Variants in HORMAD2 observed in about 807,000 individuals in gnomAD.
The protein encoded by HORMAD2 is HORMA domain containing 2.
Under a neutral mutation model 38.8 loss-of-function variants are expected in HORMAD2, and 45 were observed. The observed-to-expected ratio is 1.16, with a 90% CI of 0.91 to 1.49. The LOEUF (loss-of-function observed/expected upper bound fraction) is 1.49. Among genes scored for constraint, HORMAD2 ranks in the 40% most tolerant of loss-of-function variants. The pLI is 0.00. For synonymous variants in HORMAD2, 126 were observed against 122.8 expected (o/e 1.03, Z -0.17); for missense variants, 338 against 367.0 (o/e 0.92, Z 0.65).
At chr22:30,113,030 C>A (rs1921777300) in intron 7 of HORMAD2, among the ~76,000 whole-genome samples, 1 of 151,994 alleles carries the variant, frequency 6.6e-6, no homozygotes, top group Non-Finnish European at 1.5e-5. Flanking sequence ...TACCTCTTTA[C>A]TTCTCTCTTT....
chr22:30,177,129 C>T (rs1926504206), downstream of HORMAD2: 3 of 152,242 alleles, frequency 2.0e-5, no homozygotes, highest in Non-Finnish European at 4.4e-5. Context: ...TCTTTGCTAA[C>T]ATCAGTATCT....
At chr22:30,147,138 T>A (rs1466478438) in intron 10 of HORMAD2, among the ~76,000 whole-genome samples, 5 of 152,140 alleles carry the variant, frequency 3.3e-5, no homozygotes, top group Admixed American at 6.5e-5. Flanking sequence ...TTCAATGCAA[T>A]CCCAATCAAA....
intron 10 of HORMAD2, among the ~76,000 whole-genome samples, chr22:30,175,564 T>A (rs1926404887): frequency 6.6e-6 from 1 of 151,904 alleles, no homozygotes. Flanking sequence ...TCTATAATGA[T>A]TCACTAACCA....
intron 10 of HORMAD2, among the ~76,000 whole-genome samples, chr22:30,158,787 C>T (rs1436649331): frequency 6.6e-6 from 1 of 151,640 alleles, no homozygotes; most frequent in South Asian, 2.1e-4. Context: ...TGGGCTCCCG[C>T]GATCCTCCCA....
At chr22:30,199,077 G>T in the HORMAD2 span, among the ~76,000 whole-genome samples, 3 of 152,188 alleles carry the variant, frequency 2.0e-5, no homozygotes, top group Non-Finnish European at 4.4e-5. Flanking sequence ...ATGAAACAGA[G>T]AATATTGAGT....
chr22:30,186,915 G>T, the HORMAD2 span, among the ~76,000 whole-genome samples: 1 of 150,904 alleles, frequency 6.6e-6, no homozygotes, highest in African/African-American at 2.4e-5. Context: ...TGGGGGTGGG[G>T]GGGTCATCGT....
chr22:30,112,305 T>C (rs1921725123), intron 6 of HORMAD2, among the ~76,000 whole-genome samples, 191 bp from the exon 7 acceptor site: 2 of 152,148 alleles, frequency 1.3e-5, no homozygotes, highest in Non-Finnish European at 2.9e-5. Context: ...TTAATTTCCT[T>C]TTATTCAGTG....
intron 10 of HORMAD2, among the ~76,000 whole-genome samples, chr22:30,166,409 A>T: frequency 6.6e-6 from 1 of 152,230 alleles, no homozygotes; most frequent in African/African-American, 2.4e-5. Flanking sequence ...AGCACCAGAA[A>T]TGTGGCTAAT....
chr22:30,136,293 A>G (rs944128116), intron 10 of HORMAD2, among the ~76,000 whole-genome samples: 9 of 152,210 alleles, frequency 5.9e-5, no homozygotes, highest in African/African-American at 2.2e-4. Flanking sequence ...TCTGTTTTTA[A>G]TAGCTTGAAA....
chr22:30,148,327 G>A (rs1286502503), intron 10 of HORMAD2, among the ~76,000 whole-genome samples: 2 of 152,154 alleles, frequency 1.3e-5, no homozygotes, highest in Non-Finnish European at 2.9e-5. Flanking sequence ...TCTGGAGGAA[G>A]CAAACTAACT....
chr22:30,202,691 A>G, the HORMAD2 span, among the ~76,000 whole-genome samples: 1 of 152,180 alleles, frequency 6.6e-6, no homozygotes, highest in Non-Finnish European at 1.5e-5. Context: ...CTGGGAAAAC[A>G]AGTTCCTCTC....
intron 10 of HORMAD2, among the ~76,000 whole-genome samples, chr22:30,146,889 C>A (rs1440579686): frequency 6.6e-6 from 1 of 152,034 alleles, no homozygotes; most frequent in Non-Finnish European, 1.5e-5. Flanking sequence ...TATTGTATTT[C>A]TCTATATTAT....
rs747477689 is a variant in HORMAD2 at position 30,124,278 on chromosome 22, C to G, written c.819+2064C>G. ...TGGAACACACACACACACACACACACACACACACACACACATACATACATG... is the reference window on the plus strand; with the variant it reads ...TGGAACACACACACACACACACACAGACACACACACACACATACATACATG... On this transcript the variant is annotated intron_variant, in intron 10 of 10. Transcript: ENST00000336726. Among the ~76,000 whole-genome samples the G allele has an allele frequency of 8.3e-4, 126 of 151,916 alleles. 1 individual carries two copies. The highest frequency in any genetic ancestry group is 3.4e-3 in the Middle Eastern group (1 of 294).
intron 10 of HORMAD2, among the ~76,000 whole-genome samples, chr22:30,162,318 TACAC>T (rs71198531): frequency 0.023 from 3,334 of 148,044 alleles, 80 homozygotes; most frequent in African/African-American, 0.058. Flanking sequence ...CGTCTCAAAA[TACAC>T]ACACACACAC....
At chr22:30,183,713 A>G in the HORMAD2 span, among the ~76,000 whole-genome samples, 2 of 152,236 alleles carry the variant, frequency 1.3e-5, no homozygotes, top group African/African-American at 2.4e-5. Context: ...TAAAAATAAT[A>G]TAAGAAAATA....
Position 30,126,237 on chromosome 22 carries a change from T to G in HORMAD2, c.819+4023T>G, listed in dbSNP as rs376858146. Among the ~76,000 whole-genome samples the G allele has an allele frequency of 7.9e-5, 12 of 152,128 alleles. No individual in the cohort carries two copies. In the South Asian group the frequency reaches 2.1e-3, roughly 26 times the overall value. On this transcript the variant is annotated intron_variant, in intron 10 of 10. Coordinates refer to ENST00000336726, the MANE Select transcript of HORMAD2 (RefSeq NM_152510.4). ...GGAGTGCAGTGGTGCGATCTCTGCTTTGCTCACTGCAAGTTCCGCCTCCTG... is the reference window on the plus strand; with the variant it reads ...GGAGTGCAGTGGTGCGATCTCTGCTGTGCTCACTGCAAGTTCCGCCTCCTG...
At chr22:30,146,027 G>A (rs986021954) in intron 10 of HORMAD2, among the ~76,000 whole-genome samples, 2 of 152,166 alleles carry the variant, frequency 1.3e-5, no homozygotes, top group Non-Finnish European at 2.9e-5. Flanking sequence ...AAAGGATAAT[G>A]TGTCATGACT....
chr22:30,137,775 A>G (rs569170737), intron 10 of HORMAD2: 9 of 153,266 alleles, frequency 5.9e-5, no homozygotes, highest in Admixed American at 3.9e-4. Context: ...GCTGAATAAT[A>G]CTCCATTGTA....
At chr22:30,091,512 T>G (rs1003595652) in intron 1 of HORMAD2, among the ~76,000 whole-genome samples, 1 of 152,112 alleles carries the variant, frequency 6.6e-6, no homozygotes, top group African/African-American at 2.4e-5. Context: ...GCAACCTGCC[T>G]GCCTCAACCT....
Sources: gnomAD v4.1 joint callset for allele counts (sites outside exome capture counted in the v4.1 genomes callset) on GRCh38, gnomAD v4.1.1 for gene constraint, MANE v1.5 for transcripts, NCBI Gene and HGNC (gene_info 2026-07-23, HGNC 2026-07-21) for gene names.